The following AP3M2 variants were observed in gnomAD, a reference collection of about 807,000 sequenced individuals.
AP3M2 encodes AP-3 complex subunit mu-2.
A neutral mutation model predicts 41.6 loss-of-function variants in AP3M2; 28 were observed. The observed-to-expected ratio is 0.67, with a 90% CI of 0.50 to 0.92. The LOEUF (loss-of-function observed/expected upper bound fraction) is 0.92. Among genes scored for constraint, AP3M2 ranks in the 40% least tolerant of loss-of-function variants. The pLI is 0.00. For missense variants in AP3M2, 427 were observed against 521.4 expected, an observed-to-expected ratio of 0.82 and a Z score of 1.76; for synonymous variants, 193 against 186.4, an observed-to-expected ratio of 1.04 and a Z score of -0.29.
chr8:42,162,307 C>A lies in AP3M2; in HGVS notation c.472C>A (p.Pro158Thr). Residue 158 changes from proline to threonine, a missense_variant, in exon 4 of 9, where the codon CCC becomes ACC. Pro to Thr is a conservative substitution (Grantham distance 38). This residue lies in a region of AP3M2 where 86 missense variants were observed against 142.6 expected (regional missense o/e 0.60). Coordinates refer to ENST00000396926, the MANE Select transcript of AP3M2 (RefSeq NM_006803.4). ...AAGCACGAATGTGGGTGACCAGCTT[C>A]CCACTGGGCAGCTGTCAGTGGTGCC... ...TGSTNVGDQLPTGQLSVVPWR... is the reference protein window; with the variant it reads ...TGSTNVGDQLTTGQLSVVPWR... The A allele has an allele frequency of 6.2e-7, 1 of 1,612,936 alleles. No individual in the cohort carries two copies. Among genetic ancestry groups the A allele is most frequent in the Non-Finnish European group, 8.5e-7 (1 of 1,179,452 alleles).
rs955629358 is a variant in AP3M2, at chr8:42,157,042, A to G, written c.274-899A>G. On this transcript the variant is annotated intron_variant, in intron 2 of 8. Coordinates refer to ENST00000396926, the MANE Select transcript of AP3M2 (RefSeq NM_006803.4). ...AAAGGAGTAAATTTTCCTTCATTCTATGAGTTCAAGAGGGTTGCATGACCC... is the reference window on the plus strand; with the variant it reads ...AAAGGAGTAAATTTTCCTTCATTCTGTGAGTTCAAGAGGGTTGCATGACCC... Among the ~76,000 whole-genome samples, 5 of 152,246 alleles carry G rather than the reference A, an allele frequency of 3.3e-5. No individual in the cohort carries two copies. In the East Asian group the frequency reaches 5.8e-4, roughly 18 times the overall value.
chr8:42,165,156 G>T lies in AP3M2; in HGVS notation c.669G>T (p.Met223Ile). ...TGCCAGACCTTACACTTTCCTTCATGGTAAAATCCTGGGCCAGAGATTAAG... is the reference window on the plus strand; with the variant it reads ...TGCCAGACCTTACACTTTCCTTCATTGTAAAATCCTGGGCCAGAGATTAAG... ...TGMPDLTLSFMNPRLLDDVSF... is the reference protein window; with the variant it reads ...TGMPDLTLSFINPRLLDDVSF... Residue 223 changes from methionine (M) to isoleucine (I), a missense_variant and splice_region_variant, in exon 5 of 9, where the codon ATG becomes ATT. By Grantham distance (10) the Met-to-Ile change is conservative. Coordinates refer to ENST00000396926, the MANE Select transcript of AP3M2 (RefSeq NM_006803.4). 1 of 1,613,172 alleles carries T rather than the reference G, an allele frequency of 6.2e-7. No homozygotes were observed. Among genetic ancestry groups the T allele is most frequent in the South Asian group, 1.1e-5 (1 of 90,948 alleles).
At chr8:42,157,910 G>A (rs1453442388) in intron 2 of AP3M2, 31 bp from the exon 3 acceptor site, 3 of 1,585,474 alleles carry the variant, frequency 1.9e-6, no homozygotes, top group African/African-American at 2.7e-5. Context: ...CAGTATCTGA[G>A]TGATCAATGT....
In AP3M2 at chr8:42,167,688, A is replaced by G. The variant is rs1455649967; in HGVS notation, c.1034A>G (p.Lys345Arg). The change falls in exon 8 of 9, where the codon AAA (lysine) becomes AGA (arginine). Residue 345 changes from lysine to arginine, a missense_variant. Lys to Arg is a conservative substitution (Grantham distance 26, BLOSUM62 2). Transcript: ENST00000396926. ...AAGATGCTGTCTTGGGATGTAGGAA[A>G]AATAAATCCACAAAAGCTACCAAGT... is the stretch of plus-strand genomic sequence containing the variant. ...VTKMLSWDVG[K>R]INPQKLPSLK... The G allele has an allele frequency of 6.2e-7, 1 of 1,611,044 alleles. No individual in the cohort carries two copies. Among genetic ancestry groups the G allele is most frequent in the East Asian group, 2.2e-5 (1 of 44,880 alleles).
At chr8:42,157,814 GT>G (rs1804397011) in intron 2 of AP3M2, 126 bp from the exon 3 acceptor site, 1 of 681,996 alleles carries the variant, frequency 1.5e-6, no homozygotes, top group Admixed American at 3.0e-5. Flanking sequence ...GCATTCCCTC[GT>G]TGTAGAAGAG....
intron 1 of AP3M2, chr8:42,154,276 A>G (rs1319312720): frequency 1.1e-5 from 2 of 179,570 alleles, no homozygotes; most frequent in African/African-American, 4.8e-5. Context: ...GCCCTCTTCA[A>G]AGAACACTGA....
chr8:42,162,981 T>A (rs11991736), intron 4 of AP3M2, among the ~76,000 whole-genome samples: 2,884 of 139,362 alleles, frequency 0.021, 90 homozygotes, highest in African/African-American at 0.07. Flanking sequence ...AGTAACAAAT[T>A]AATTTCTTAT....
chr8:42,164,666 C>T lies in AP3M2; in HGVS notation c.584-405C>T, dbSNP rs142167097. On this transcript the variant is annotated intron_variant, in intron 4 of 8. Transcript: ENST00000396926. The stretch of plus-strand genomic sequence containing the variant: ...TATAGAATAAGAGACTGGGAGTGAC[C>T]ACTCACTTTAGCAGCAGAGCTCATT... Among the ~76,000 whole-genome samples the T allele has an allele frequency of 3.2e-3, 492 of 152,240 alleles. 1 individual carries two copies. The highest frequency in any genetic ancestry group is 6.7e-3 in the East Asian group (35 of 5,186).
rs543951450 is a variant in AP3M2, at chr8:42,165,329, G to T, written c.670-98G>T. 5.3e-4 allele frequency: 780 copies of T among 1,462,004 alleles called. 5 individuals are homozygous for T. The African/African-American group carries it at 9.4e-3, about 18-fold the overall frequency. 90.6% of individuals were successfully genotyped at this position (1,462,004 alleles called of 1,614,324 possible). On this transcript the variant is annotated intron_variant, in intron 5 of 8. Transcript: ENST00000396926. ...ACATGATTTCTGTGTGTGTGTGTGT[G>T]GTGTGTTTTAATTAAAAACAGCATT...
Position 42,167,165 on chromosome 8 carries a change from C to CTGG in AP3M2, c.807_809dup (p.Val270dup). 1 of 1,614,036 alleles carries CTGG rather than the reference C, an allele frequency of 6.2e-7. No individual in the cohort carries two copies. The highest frequency in any genetic ancestry group is 8.5e-7 in the Non-Finnish European group (1 of 1,179,918). ...TGACTCTTTGTCTCTCATTTCCAGT[C>CTGG]TGGTTGCAATCCCAGTGTATGTCAA... On this transcript the variant is annotated inframe_insertion and splice_region_variant, in exon 7 of 9. Transcript: ENST00000396926.
At chr8:42,162,471 T>C in intron 4 of AP3M2, 53 bp downstream of exon 4, 2 of 1,548,562 alleles carry the variant, frequency 1.3e-6, no homozygotes, top group Non-Finnish European at 1.7e-6. Context: ...GGGACCTCTT[T>C]CATATAATGC....
chr8:42,161,462 A>T (rs913527588), intron 3 of AP3M2, among the ~76,000 whole-genome samples: 2 of 152,070 alleles, frequency 1.3e-5, no homozygotes, highest in Non-Finnish European at 2.9e-5. Flanking sequence ...TACAAAAATT[A>T]GCCGGATGTG....
intron 1 of AP3M2, chr8:42,153,687 GC>G (rs1804273113): frequency 6.6e-6 from 1 of 152,020 alleles, no homozygotes; most frequent in Non-Finnish European, 1.5e-5. Flanking sequence ...GGTGGAGGGG[GC>G]GGGGTTCTCC....
chr8:42,163,514 G>A (rs1804564452), intron 4 of AP3M2, among the ~76,000 whole-genome samples: 1 of 152,194 alleles, frequency 6.6e-6, no homozygotes, highest in African/African-American at 2.4e-5. Flanking sequence ...CCTGAGCAAA[G>A]TGCAACAGAG....
chr8:42,168,073 C>T (rs1587919046), intron 8 of AP3M2: 1 of 573,836 alleles, frequency 1.7e-6, no homozygotes, highest in Non-Finnish European at 3.2e-6. Context: ...GAAGTATTCA[C>T]TAGCCATTTT....
In AP3M2 at chr8:42,162,287, C is replaced by T. The variant is rs1425052771; in HGVS notation, c.452C>T (p.Thr151Met). The change falls in exon 4 of 9, where the codon ACG becomes ATG. Residue 151 changes from threonine (T) to methionine (M), a missense_variant. Around this residue, in one of 3 missense-constraint regions of AP3M2, gnomAD observed 86 missense variants for 142.6 expected, o/e 0.60. Transcript: ENST00000396926. Reference sequence around the variant, plus strand: ...GTAATATTAATTGCCTCAGGAAGCACGAATGTGGGTGACCAGCTTCCCACT... The same window carrying T: ...GTAATATTAATTGCCTCAGGAAGCATGAATGTGGGTGACCAGCTTCCCACT... ...RTVVNTITGSTNVGDQLPTGQ... is the reference protein window; with the variant it reads ...RTVVNTITGSMNVGDQLPTGQ... The T allele has an allele frequency of 1.9e-6, 3 of 1,610,300 alleles. No homozygotes were observed. Among genetic ancestry groups the T allele is most frequent in the South Asian group, 1.1e-5 (1 of 90,368 alleles).
rs780151153 is a variant in AP3M2, at chr8:42,169,049, A to T, written c.1245A>T (p.Gln415His). 1.2e-6 allele frequency: 2 copies of T among 1,610,408 alleles called. No homozygotes were observed. Among genetic ancestry groups the T allele is most frequent in the Non-Finnish European group, 1.7e-6 (2 of 1,178,412 alleles). Residue 415 changes from glutamine to histidine, a missense_variant, in exon 9 of 9, where the codon CAA becomes CAT. By Grantham distance (24) the Gln-to-His change is conservative. Around this residue, in one of 3 missense-constraint regions of AP3M2, gnomAD observed 237 missense variants for 284.9 expected, o/e 0.83. Coordinates refer to ENST00000396926, the MANE Select transcript of AP3M2 (RefSeq NM_006803.4). ...IKYMTKAGKF[Q>H]VRT ...ACATGACCAAAGCTGGGAAGTTCCA[A>T]GTTCGAACCTGAAGGGAGCATTTGC...
intron 2 of AP3M2, among the ~76,000 whole-genome samples, chr8:42,155,304 T>C (rs550315082): frequency 3.6e-4 from 55 of 152,340 alleles, no homozygotes; most frequent in African/African-American, 1.3e-3. Context: ...TCTGCATTGC[T>C]TTGAGTTGCA....
intron 3 of AP3M2, among the ~76,000 whole-genome samples, chr8:42,161,603 T>C (rs916784754): frequency 7.9e-5 from 12 of 152,132 alleles, no homozygotes; most frequent in Non-Finnish European, 1.6e-4. Flanking sequence ...AGCGAGACTC[T>C]ATCTAAAAAA....
Sources: allele counts gnomAD v4.1 joint callset (sites outside exome capture counted in the v4.1 genomes callset), GRCh38; gene constraint gnomAD v4.1.1; regional missense constraint gnomAD v4.1.1; transcripts MANE v1.5; gene names NCBI Gene and HGNC (gene_info 2026-07-23, HGNC 2026-07-21).